The following ZNF782 variants were observed in gnomAD, a reference collection of about 807,000 sequenced individuals.
ZNF782 encodes the protein zinc finger protein 782.
ZNF782 carries 12 observed loss-of-function variants against 13.0 expected under a neutral mutation model. The ratio of observed to expected loss-of-function variants is 0.92; its 90% confidence interval spans 0.59 to 1.50. The LOEUF is 1.50. ZNF782 is among the 40% of genes most tolerant of loss of function. The probability of loss-of-function intolerance (pLI) is 0.00; values close to 1 mark genes in which losing one functional copy is unlikely to be tolerated. For synonymous variants in ZNF782, 284 were observed against 283.0 expected, an observed-to-expected ratio of 1.00 and a Z score of -0.04; for missense variants, 770 against 822.9, an observed-to-expected ratio of 0.94 and a Z score of 0.79.
upstream of ZNF782, among the ~76,000 whole-genome samples, chr9:96,879,125 T>C (rs569115754): frequency 2.3e-4 from 35 of 151,708 alleles, no homozygotes; most frequent in African/African-American, 8.4e-4. Flanking sequence ...TCATTGTAGA[T>C]GCTGGCATAA....
chr9:96,891,801 C>T, the ZNF782 span: 1 of 152,206 alleles, frequency 6.6e-6, no homozygotes, highest in Non-Finnish European at 1.5e-5. Flanking sequence ...GCCTCGGCCT[C>T]CCAAAATGCT....
chr9:96,818,999 G>A lies in ZNF782; in HGVS notation c.1024C>T (p.Pro342Ser). The stretch of plus-strand genomic sequence containing the variant: ...TGGTAGCTGAATGTCTCTGTACATG[G>A]GTGATAATCAGAGTATTTATCTGTT... ...HATDKYSDYHPCTETFSYQST... is the reference protein window; with the variant it reads ...HATDKYSDYHSCTETFSYQST... Residue 342 changes from proline (P) to serine (S), a missense_variant, in exon 6 of 6, where the codon CCA becomes TCA. Pro to Ser is a moderately conservative substitution (Grantham distance 74). Coordinates refer to ENST00000481138, the MANE Select transcript of ZNF782 (RefSeq NM_001001662.3). 9 of 1,614,116 alleles carry A rather than the reference G, an allele frequency of 5.6e-6. No homozygotes were observed. Among genetic ancestry groups the A allele is most frequent in the Non-Finnish European group, 6.8e-6 (8 of 1,180,000 alleles).
the ZNF782 span, among the ~76,000 whole-genome samples, chr9:96,925,877 A>G: frequency 6.8e-6 from 1 of 147,762 alleles, no homozygotes. Flanking sequence ...ATTGGGTGGA[A>G]GAGCATCTGT....
chr9:96,873,242 G>A (rs913461822), intron 1 of ZNF782, among the ~76,000 whole-genome samples: 1 of 152,152 alleles, frequency 6.6e-6, no homozygotes, highest in Non-Finnish European at 1.5e-5. Flanking sequence ...ACTAGAATCA[G>A]TGATCTGATT....
intron 4 of ZNF782, among the ~76,000 whole-genome samples, chr9:96,829,428 T>C (rs1850728887): frequency 6.6e-6 from 1 of 152,094 alleles, no homozygotes; most frequent in African/African-American, 2.4e-5. Flanking sequence ...GATATAACAA[T>C]CACAAATGTT....
intron 1 of ZNF782, among the ~76,000 whole-genome samples, chr9:96,862,923 G>T (rs1049995060): frequency 2.0e-5 from 3 of 152,162 alleles, no homozygotes; most frequent in African/African-American, 7.2e-5. Context: ...TAGTTACAAG[G>T]TCAGAAAATA....
the ZNF782 span, chr9:96,894,962 G>A: frequency 6.6e-6 from 1 of 152,198 alleles, no homozygotes; most frequent in African/African-American, 2.4e-5. Context: ...GAGCTCAAGC[G>A]ATTCTCCTAC....
At position 96,839,702 on chromosome 9, in the gene ZNF782, C is replaced by T. The variant is rs561754142; in HGVS notation, c.142+5188G>A. On this transcript the variant is annotated intron_variant, in intron 4 of 5. Transcript: ENST00000481138. ...AATTTTATTACTTTCTGATTTTTCT[C>T]CCAGTGTTTCATTTTTGCAAATATC... 2.0e-5 allele frequency among the ~76,000 whole-genome samples: 3 copies of T among 152,154 alleles called. No individual in the cohort carries two copies. In the East Asian group the frequency reaches 5.8e-4, roughly 29 times the overall value.
At chr9:96,912,391 T>C in the ZNF782 span, among the ~76,000 whole-genome samples, 1 of 148,476 alleles carries the variant, frequency 6.7e-6, no homozygotes, top group Non-Finnish European at 1.5e-5. Context: ...CTGGGCGTAG[T>C]GGCGGGCGCC....
intron 5 of ZNF782, among the ~76,000 whole-genome samples, chr9:96,824,416 G>A (rs1850534311): frequency 6.7e-6 from 1 of 148,534 alleles, no homozygotes; most frequent in African/African-American, 2.5e-5. Context: ...AAAATAATAA[G>A]AGCTATCTAT....
chr9:96,817,827 T>C lies in ZNF782; in HGVS notation c.*96A>G, dbSNP rs950205656. The C allele has an allele frequency of 4.9e-5, 52 of 1,066,458 alleles. No homozygotes were observed. Among genetic ancestry groups the C allele is most frequent in the Non-Finnish European group, 6.6e-6 (5 of 757,904 alleles). 66.1% of individuals were successfully genotyped at this position (1,066,458 alleles called of 1,614,324 possible). A position where few individuals can be genotyped will look rare whatever the true frequency, so the allele number is the denominator to read the frequency against. ...GAAATTGTAGAGGAAATTCCAGTGCTCACTATGTTAACAGTTCTCTCCTGT... is the reference window on the plus strand; with the variant it reads ...GAAATTGTAGAGGAAATTCCAGTGCCCACTATGTTAACAGTTCTCTCCTGT... On this transcript the variant is annotated 3_prime_UTR_variant, in exon 6 of 6. Coordinates refer to ENST00000481138, the MANE Select transcript of ZNF782 (RefSeq NM_001001662.3).
At chr9:96,920,800 G>C in the ZNF782 span, among the ~76,000 whole-genome samples, 355 of 150,596 alleles carry the variant, frequency 2.4e-3, 10 homozygotes, top group Middle Eastern at 0.014. Context: ...TGTAATCCCA[G>C]CTTACTCAGG....
chr9:96,896,541 T>A, the ZNF782 span, among the ~76,000 whole-genome samples: 1 of 152,136 alleles, frequency 6.6e-6, no homozygotes. Flanking sequence ...GGTCGAGATA[T>A]CCCTTCTAAA....
the ZNF782 span, among the ~76,000 whole-genome samples, chr9:96,882,019 A>G: frequency 4.7e-5 from 7 of 147,818 alleles, no homozygotes; most frequent in African/African-American, 1.8e-4. Context: ...GTGTGTGTGT[A>G]TACTCATTGT....
chr9:96,837,728 T>A (rs1052576063), intron 4 of ZNF782, among the ~76,000 whole-genome samples: 1 of 152,202 alleles, frequency 6.6e-6, no homozygotes, highest in Non-Finnish European at 1.5e-5. Context: ...TGTATTTTCA[T>A]CTCTCTCAAG....
chr9:96,902,023 C>T, the ZNF782 span, among the ~76,000 whole-genome samples: 1 of 151,916 alleles, frequency 6.6e-6, no homozygotes, highest in East Asian at 1.9e-4. Context: ...AAAAGTACTT[C>T]CTTTAGTGCA....
chr9:96,926,857 T>G, the ZNF782 span, among the ~76,000 whole-genome samples: 1 of 152,134 alleles, frequency 6.6e-6, no homozygotes, highest in Non-Finnish European at 1.5e-5. Flanking sequence ...TCAGTGAATG[T>G]TCACAGTGTG....
At chr9:96,906,754 T>A in the ZNF782 span, among the ~76,000 whole-genome samples, 1 of 152,338 alleles carries the variant, frequency 6.6e-6, no homozygotes. Context: ...TAGGTAGGCA[T>A]AATTGATTAA....
chr9:96,832,276 C>T (rs957970113), intron 4 of ZNF782, among the ~76,000 whole-genome samples: 1 of 152,152 alleles, frequency 6.6e-6, no homozygotes, highest in East Asian at 1.9e-4. Flanking sequence ...CCCTTATCTG[C>T]TTCCTGTTTA....
Sources: gnomAD v4.1 joint callset for allele counts (sites outside exome capture counted in the v4.1 genomes callset) on GRCh38, gnomAD v4.1.1 for gene constraint, MANE v1.5 for transcripts, NCBI Gene and HGNC (gene_info 2026-07-23, HGNC 2026-07-21) for gene names.